SHC3: variants seen among roughly 807,000 people sequenced by gnomAD.
SHC3 encodes the protein SHC-transforming protein 3.
Under a neutral mutation model 60.4 loss-of-function variants are expected in SHC3, and 15 were observed. The ratio of observed to expected loss-of-function variants is 0.25; its 90% CI spans 0.17 to 0.38. The LOEUF is 0.38. Among genes scored for constraint, SHC3 ranks in the 10% least tolerant of loss-of-function variants. The probability of loss-of-function intolerance (pLI) is 1.00; values close to 1 mark genes in which losing one functional copy is unlikely to be tolerated. For missense variants in SHC3, 677 were observed against 786.1 expected, an observed-to-expected ratio of 0.86 and a Z score of 1.66; for synonymous variants, 294 against 325.9, an observed-to-expected ratio of 0.90 and a Z score of 1.05.
chr9:89,171,698 C>T (rs1826871758), intron 1 of SHC3, among the ~76,000 whole-genome samples: 1 of 152,238 alleles, frequency 6.6e-6, no homozygotes, highest in Non-Finnish European at 1.5e-5. Flanking sequence ...AGGCATCAGG[C>T]ACCTGGAAGC....
chr9:89,035,852 T>TATATA (rs372898972), intron 11 of SHC3, among the ~76,000 whole-genome samples: 7 of 82,124 alleles, frequency 8.5e-5, no homozygotes, highest in Non-Finnish European at 1.7e-4. Context: ...TATATATAGA[T>TATATA]GTGTGTGTGT....
chr9:89,068,395 T>C lies in SHC3; in HGVS notation c.783+2804A>G, dbSNP rs1017171080. Among the ~76,000 whole-genome samples the C allele has an allele frequency of 4.6e-5, 7 of 152,246 alleles. No individual in the cohort carries two copies. The South Asian group carries it at 1.0e-3, about 22-fold the overall frequency. ...CTGAGGCACTAAGCAATAAGTGACA[T>C]GTACACTTAGCAGGAGAACAAGGAC... On this transcript the variant is annotated intron_variant, in intron 5 of 11. Coordinates refer to ENST00000375835, the MANE Select transcript of SHC3 (RefSeq NM_016848.6).
Position 89,059,479 on chromosome 9 carries a change from C to T in SHC3, c.835+6050G>A, listed in dbSNP as rs572387207. Among the ~76,000 whole-genome samples, 889 of 113,278 alleles carry T rather than the reference C, an allele frequency of 7.8e-3. 5 individuals are homozygous for T. The highest frequency in any genetic ancestry group is 0.033 in the Middle Eastern group (4 of 120). The allele number at this position is 113,278 out of a possible 152,430, so 74.3% of individuals were successfully genotyped here. A position where few individuals can be genotyped will look rare whatever the true frequency, so the allele number is the denominator to read the frequency against. ...ACGTGGGGGAGGACATGGTGGGGGG[C>T]GGTAGCAGAGGATGATAGTGTTAGG... On this transcript the variant is annotated intron_variant, in intron 6 of 11. Transcript: ENST00000375835.
At chr9:89,057,382 T>C (rs1033009057) in intron 6 of SHC3, among the ~76,000 whole-genome samples, 3 of 150,740 alleles carry the variant, frequency 2.0e-5, no homozygotes, top group African/African-American at 7.3e-5. Flanking sequence ...CCTGCTATGA[T>C]GAGTTTCTCA....
chr9:89,131,208 G>A (rs995547769), intron 1 of SHC3, among the ~76,000 whole-genome samples: 1 of 152,030 alleles, frequency 6.6e-6, no homozygotes, highest in Admixed American at 6.6e-5. Context: ...ACTAAACAAG[G>A]AAGAAGTTGA....
intron 1 of SHC3, among the ~76,000 whole-genome samples, chr9:89,147,296 T>C (rs1029639622): frequency 6.6e-6 from 1 of 152,212 alleles, no homozygotes; most frequent in African/African-American, 2.4e-5. Context: ...AGTGAGGTTC[T>C]ACATTCACTG....
At chr9:89,038,752 A>G in intron 10 of SHC3, among the ~76,000 whole-genome samples, 1 of 152,254 alleles carries the variant, frequency 6.6e-6, no homozygotes, top group East Asian at 1.9e-4. Flanking sequence ...CCTGAGCCCA[A>G]TCCACCAAAG....
intron 4 of SHC3, among the ~76,000 whole-genome samples, chr9:89,074,852 T>A (rs1238682074): frequency 2.1e-5 from 3 of 143,118 alleles, no homozygotes; most frequent in Non-Finnish European, 4.6e-5. Context: ...ACACACATCA[T>A]TTTTTTTTTT....
intron 6 of SHC3, among the ~76,000 whole-genome samples, chr9:89,059,805 TG>T (rs1825049478): frequency 9.4e-6 from 1 of 106,920 alleles, no homozygotes; most frequent in Admixed American, 1.0e-4. Flanking sequence ...TTGTGGAGGA[TG>T]GTGGTGTAGG....
At chr9:89,150,022 C>T (rs1469065120) in intron 1 of SHC3, among the ~76,000 whole-genome samples, 1 of 152,082 alleles carries the variant, frequency 6.6e-6, no homozygotes. Flanking sequence ...TTCAAGGAAC[C>T]CTTATTTTAC....
rs112103720 is a variant in SHC3 at position 89,061,410 on chromosome 9, T to C, written c.835+4119A>G. Among the ~76,000 whole-genome samples the C allele has an allele frequency of 9.8e-3, 1,499 of 152,298 alleles. 20 individuals carry two copies. Among genetic ancestry groups the C allele is most frequent in the African/African-American group, 0.026 (1,092 of 41,538 alleles). ...GAAACTCCTTTTGTTGAAACCACCA[T>C]ATTCGAGAAGCCCAGAAGAGGCAAG... On this transcript the variant is annotated intron_variant, in intron 6 of 11. Coordinates refer to ENST00000375835, the MANE Select transcript of SHC3 (RefSeq NM_016848.6).
At chr9:89,014,403 T>C (rs1564073323) in intron 11 of SHC3, among the ~76,000 whole-genome samples, 1 of 152,154 alleles carries the variant, frequency 6.6e-6, no homozygotes, top group Non-Finnish European at 1.5e-5. Context: ...CGAGGAGGTC[T>C]GGACACAATC....
intron 2 of SHC3, among the ~76,000 whole-genome samples, chr9:89,099,551 C>A (rs572295532): frequency 2.0e-5 from 3 of 152,270 alleles, no homozygotes; most frequent in African/African-American, 7.2e-5. Context: ...TAATGCTTGA[C>A]CTTTCCAGAA....
rs150061120 is a variant in SHC3, at chr9:89,135,581, T to C, written c.475-22955A>G. Among the ~76,000 whole-genome samples the C allele has an allele frequency of 1.4e-3, 206 of 152,290 alleles. 2 individuals carry two copies. The highest frequency in any genetic ancestry group is 2.5e-3 in the Non-Finnish European group (170 of 68,018). On this transcript the variant is annotated intron_variant, in intron 1 of 11. Coordinates refer to ENST00000375835, the MANE Select transcript of SHC3 (RefSeq NM_016848.6). ...ACAAATCAGTCTGTTATGATTTGTCTTGAGTAAAAGTGGGATAATAGAGAG... is the reference window on the plus strand; with the variant it reads ...ACAAATCAGTCTGTTATGATTTGTCCTGAGTAAAAGTGGGATAATAGAGAG...
At chr9:89,065,142 C>T (rs1825157097) in intron 6 of SHC3, among the ~76,000 whole-genome samples, 1 of 152,160 alleles carries the variant, frequency 6.6e-6, no homozygotes, top group African/African-American at 2.4e-5. Flanking sequence ...CTAGGGCTGG[C>T]AGGGCAGAGT....
intron 1 of SHC3, among the ~76,000 whole-genome samples, chr9:89,160,942 G>A (rs1292631200): frequency 6.6e-6 from 1 of 152,174 alleles, no homozygotes; most frequent in East Asian, 1.9e-4. Flanking sequence ...TTAATCCCCA[G>A]CAGTATACAA....
chr9:89,057,116 T>A (rs1161117851), intron 6 of SHC3, among the ~76,000 whole-genome samples: 2 of 152,208 alleles, frequency 1.3e-5, no homozygotes, highest in African/African-American at 4.8e-5. Flanking sequence ...ATTACTCAAA[T>A]GAGGAAATGT....
chr9:89,160,557 TC>T (rs1826689895), intron 1 of SHC3, among the ~76,000 whole-genome samples: 1 of 152,188 alleles, frequency 6.6e-6, no homozygotes. Context: ...TCCATTCATT[TC>T]CCCCTTTCTT....
chr9:89,041,387 T>C (rs1824684356), intron 10 of SHC3, among the ~76,000 whole-genome samples: 1 of 152,252 alleles, frequency 6.6e-6, no homozygotes, highest in Non-Finnish European at 1.5e-5. Flanking sequence ...TGGTAATAGA[T>C]ACCTCCACGA....
Sources: allele counts gnomAD v4.1 joint callset (sites outside exome capture counted in the v4.1 genomes callset), GRCh38; gene constraint gnomAD v4.1.1; transcripts MANE v1.5; gene names NCBI Gene and HGNC (gene_info 2026-07-23, HGNC 2026-07-21).